Variants in EFR3A observed in about 807,000 individuals in gnomAD.
The protein encoded by EFR3A is EFR3 homolog A, also known as protein EFR3 homolog A.
EFR3A carries 76 observed loss-of-function variants against 104.4 expected under a neutral mutation model. That is an observed-to-expected ratio of 0.73 (90% confidence interval 0.60 to 0.88). The LOEUF is 0.88. Among genes scored for constraint, EFR3A ranks in the 40% least tolerant of loss-of-function variants. The pLI is 0.00. For missense variants in EFR3A, 985 were observed against 1,012.5 expected, an observed-to-expected ratio of 0.97 and a Z score of 0.37; for synonymous variants, 330 against 330.0, an observed-to-expected ratio of 1.00 and a Z score of 0.00.
chr8:131,973,335 T>TA (rs1820169888), intron 10 of EFR3A, among the ~76,000 whole-genome samples: 1 of 152,106 alleles, frequency 6.6e-6, no homozygotes, highest in Non-Finnish European at 1.5e-5. Context: ...TCGAGGATGT[T>TA]AAATCAGCTA....
At chr8:131,984,097 T>G in intron 14 of EFR3A, 42 bp from the exon 15 acceptor site, 2 of 1,546,050 alleles carry the variant, frequency 1.3e-6, no homozygotes, top group Non-Finnish European at 1.7e-6. Flanking sequence ...CTTTTCTACA[T>G]TTTAAGCAAA....
At chr8:131,971,629 A>C (rs976902663) in intron 10 of EFR3A, among the ~76,000 whole-genome samples, 1 of 151,586 alleles carries the variant, frequency 6.6e-6, no homozygotes, top group Non-Finnish European at 1.5e-5. Flanking sequence ...CAGAGCTTGC[A>C]GTGAGCCGAG....
chr8:132,007,809 A>C (rs1247257221), intron 22 of EFR3A, among the ~76,000 whole-genome samples: 1 of 152,036 alleles, frequency 6.6e-6, no homozygotes, highest in African/African-American at 2.4e-5. Flanking sequence ...TCAAAAACTT[A>C]AGTGATTTTT....
At position 131,944,877 on chromosome 8, in the gene EFR3A, G is replaced by T; in HGVS notation, c.215+5G>T. ...TGTTGTCAGACATCGTTCTGGGTAA[G>T]GAAACTAATGGCTGCTAAAATAGTA... On this transcript the variant is annotated splice_donor_5th_base_variant and intron_variant, in intron 3 of 22. Transcript: ENST00000254624. 1 of 1,605,092 alleles carries T rather than the reference G, an allele frequency of 6.2e-7. No homozygotes were observed. The highest frequency in any genetic ancestry group is 8.5e-7 in the Non-Finnish European group (1 of 1,176,872).
chr8:131,922,617 A>C (rs1167730569), intron 1 of EFR3A, among the ~76,000 whole-genome samples: 1 of 152,170 alleles, frequency 6.6e-6, no homozygotes, highest in Non-Finnish European at 1.5e-5. Flanking sequence ...AATCACATTT[A>C]CTGTTAATTT....
intron 22 of EFR3A, among the ~76,000 whole-genome samples, chr8:132,007,972 A>G (rs1032291237): frequency 1.3e-5 from 2 of 152,054 alleles, no homozygotes; most frequent in African/African-American, 2.4e-5. Flanking sequence ...ATCAATGTCT[A>G]TGTAAAAGCT....
At chr8:131,997,034 A>C (rs1013211887) in intron 19 of EFR3A, among the ~76,000 whole-genome samples, 1 of 152,068 alleles carries the variant, frequency 6.6e-6, no homozygotes, top group African/African-American at 2.4e-5. Flanking sequence ...CTCTGTAAGG[A>C]CTGTGGCTTA....
At chr8:131,990,849 G>A (rs575016987) in intron 18 of EFR3A, among the ~76,000 whole-genome samples, 117 of 152,262 alleles carry the variant, frequency 7.7e-4, no homozygotes, top group African/African-American at 2.6e-3. Flanking sequence ...GAAAGCCAGG[G>A]ATTTTGTCCA....
At chr8:131,985,821 C>A (rs1820844559) in intron 16 of EFR3A, among the ~76,000 whole-genome samples, 1 of 152,204 alleles carries the variant, frequency 6.6e-6, no homozygotes, top group Non-Finnish European at 1.5e-5. Context: ...ACCTTGTACA[C>A]AGGCTGCAAA....
rs1174181910 is a variant in EFR3A at position 131,984,971 on chromosome 8, C to T, written c.1780C>T (p.Arg594Cys). 10 of 1,613,370 alleles carry T rather than the reference C, an allele frequency of 6.2e-6. No homozygotes were observed. The South Asian group carries it at 6.6e-5, about 11-fold the overall frequency. The change falls in exon 16 of 23, where the codon CGT (arginine) becomes TGT (cysteine). Residue 594 changes from arginine (R) to cysteine (C), a missense_variant. Physicochemically the swap from Arg to Cys is radical, Grantham distance 180. Coordinates refer to ENST00000254624, the MANE Select transcript of EFR3A (RefSeq NM_015137.6). ...INEDNLPMFH[R>C]CGIMALVAAY... is the part of the protein sequence containing the mutation. ...TGAGGATAATTTGCCAATGTTCCAT[C>T]GTTGTGGAATCATGGCACTGGTTGC...
intron 1 of EFR3A, among the ~76,000 whole-genome samples, chr8:131,906,827 C>A (rs1160451219): frequency 3.3e-5 from 5 of 152,180 alleles, no homozygotes; most frequent in Admixed American, 1.3e-4. Context: ...CTGTTGCAAA[C>A]CTGTAAACCT....
At position 131,976,116 on chromosome 8, in the gene EFR3A, C is replaced by G. The variant is rs1280350621; in HGVS notation, c.1249C>G (p.His417Asp). The G allele has an allele frequency of 6.3e-7, 1 of 1,597,658 alleles. No homozygotes were observed. The change falls in exon 11 of 23, where the codon CAT becomes GAT. Residue 417 changes from histidine (H) to aspartate (D), a missense_variant. Coordinates refer to ENST00000254624, the MANE Select transcript of EFR3A (RefSeq NM_015137.6). Reference sequence around the variant, plus strand: ...AGTACCTGTCTTTGGAACATCTACCCATACTTTGGATATCAGTCAACTAGG... The same window carrying G: ...AGTACCTGTCTTTGGAACATCTACCGATACTTTGGATATCAGTCAACTAGG... ...GKVPVFGTST[H>D]TLDISQLGDL...
In EFR3A at chr8:131,979,327, A is replaced by G. The variant is rs936170090; in HGVS notation, c.1500-19A>G. The G allele has an allele frequency of 1.3e-6, 2 of 1,499,300 alleles. No homozygotes were observed. Among genetic ancestry groups the G allele is most frequent in the Non-Finnish European group, 1.8e-6 (2 of 1,103,882 alleles). 92.9% of individuals were successfully genotyped at this position (1,499,300 alleles called of 1,614,324 possible). ...ATAAGTGTGCTATTCATTAAAAATG[A>G]TATATTGATCGTCTCTAGAATAATA... On this transcript the variant is annotated intron_variant, in intron 13 of 22. Coordinates refer to ENST00000254624, the MANE Select transcript of EFR3A (RefSeq NM_015137.6).
At chr8:131,945,063 C>T (rs1214644877) in intron 3 of EFR3A, among the ~76,000 whole-genome samples, 191 bp downstream of exon 3, 1 of 151,784 alleles carries the variant, frequency 6.6e-6, no homozygotes, top group African/African-American at 2.4e-5. Context: ...TCCTGGTGGT[C>T]AGGTTTTGTG....
intron 19 of EFR3A, 47 bp downstream of exon 19, chr8:131,996,544 A>T: frequency 2.3e-6 from 3 of 1,284,146 alleles, no homozygotes; most frequent in Non-Finnish European, 3.2e-6. Context: ...GGTAGACATC[A>T]TTTAAAAGAA....
intron 16 of EFR3A, among the ~76,000 whole-genome samples, chr8:131,985,626 C>G (rs1394645617): frequency 2.0e-5 from 3 of 152,196 alleles, no homozygotes; most frequent in Non-Finnish European, 4.4e-5. Context: ...ATTGGAAGCA[C>G]ATCATTTAGT....
chr8:131,904,298 G>A lies in EFR3A; in HGVS notation c.-15G>A. On this transcript the variant is annotated 5_prime_UTR_variant, in exon 1 of 23. Coordinates refer to ENST00000254624, the MANE Select transcript of EFR3A (RefSeq NM_015137.6). ...GCTGAGCCTCGGTGCGGCGGCGAGC[G>A]CGGTCGAGATCGCCATGCCTACCCG... 3 of 1,267,140 alleles carry A rather than the reference G, an allele frequency of 2.4e-6. No individual in the cohort carries two copies. The highest frequency in any genetic ancestry group is 3.0e-6 in the Non-Finnish European group (3 of 1,005,542). 78.5% of individuals were successfully genotyped at this position (1,267,140 alleles called of 1,614,324 possible). A position where few individuals can be genotyped will look rare whatever the true frequency, so the allele number is the denominator to read the frequency against.
At chr8:131,942,514 G>A (rs1043087648) in intron 2 of EFR3A, among the ~76,000 whole-genome samples, 2 of 152,064 alleles carry the variant, frequency 1.3e-5, no homozygotes, top group African/African-American at 4.8e-5. Flanking sequence ...TGTAATGGAA[G>A]TAATAAGTAG....
At position 131,904,273 on chromosome 8, in the gene EFR3A, G is replaced by A. The variant is rs1336410701; in HGVS notation, c.-40G>A. 2 of 1,280,924 alleles carry A rather than the reference G, an allele frequency of 1.6e-6. No individual in the cohort carries two copies. The highest frequency in any genetic ancestry group is 2.0e-6 in the Non-Finnish European group (2 of 1,011,820). The allele number at this position is 1,280,924 out of a possible 1,614,324, so 79.3% of individuals were successfully genotyped here. On this transcript the variant is annotated 5_prime_UTR_variant, in exon 1 of 23. Coordinates refer to ENST00000254624, the MANE Select transcript of EFR3A (RefSeq NM_015137.6). The stretch of plus-strand genomic sequence containing the variant: ...CCGTCGGCGCTCCCTGCGCGGCCCC[G>A]CTGAGCCTCGGTGCGGCGGCGAGCG...
Sources: allele counts gnomAD v4.1 joint callset (sites outside exome capture counted in the v4.1 genomes callset), GRCh38; gene constraint gnomAD v4.1.1; transcripts MANE v1.5; gene names NCBI Gene and HGNC (gene_info 2026-07-23, HGNC 2026-07-21).